Variants in NOSTRIN observed in about 807,000 individuals in gnomAD.
NOSTRIN encodes the protein BM247 homolog.
Under a neutral mutation model 59.0 loss-of-function variants are expected in NOSTRIN, and 63 were observed. The observed-to-expected ratio is 1.07, with a 90% CI of 0.87 to 1.32. The LOEUF (loss-of-function observed/expected upper bound fraction) is 1.32, where lower values mean the gene tolerates loss of function less well. NOSTRIN is among the 40% of genes most tolerant of loss of function. The probability of loss-of-function intolerance (pLI) is 0.00; values close to 1 mark genes in which losing one functional copy is unlikely to be tolerated. For missense variants in NOSTRIN, 512 were observed against 473.1 expected (o/e 1.08, Z -0.76); for synonymous variants, 200 against 165.4 (o/e 1.21, Z -1.61).
At chr2:168,795,640 G>C (rs1332660737), upstream of NOSTRIN, among the ~76,000 whole-genome samples, 2 of 152,158 alleles carry the variant, frequency 1.3e-5, no homozygotes, top group African/African-American at 2.4e-5. Context: ...CTATTACACT[G>C]ACTATAAGAC....
upstream of NOSTRIN, among the ~76,000 whole-genome samples, chr2:168,797,085 T>TTTTTTTTTTTTTTG (rs1244423894): frequency 2.1e-3 from 198 of 94,100 alleles, 5 homozygotes; most frequent in African/African-American, 9.4e-3. Context: ...TTTTCTTTTT[T>TTTTTTTTTTTTTTG]TTTTTTTTTT....
At chr2:168,860,575 G>T (rs1356841290) in intron 13 of NOSTRIN, among the ~76,000 whole-genome samples, 1 of 152,048 alleles carries the variant, frequency 6.6e-6, no homozygotes, top group Admixed American at 6.6e-5. Context: ...GGAGGCTGAG[G>T]CAGGAGAATC....
intron 1 of NOSTRIN, among the ~76,000 whole-genome samples, chr2:168,803,709 T>A (rs1487931007): frequency 6.6e-6 from 1 of 152,234 alleles, no homozygotes; most frequent in Non-Finnish European, 1.5e-5. Flanking sequence ...TTCCTTTTTT[T>A]AAATACAGAA....
chr2:168,849,087 G>T (rs1184188433), intron 8 of NOSTRIN, among the ~76,000 whole-genome samples: 1 of 152,132 alleles, frequency 6.6e-6, no homozygotes, highest in Non-Finnish European at 1.5e-5. Context: ...ATTTCAAGAG[G>T]TGAGCAAGGA....
intron 15 of NOSTRIN, 77 bp from the exon 16 acceptor site, chr2:168,864,757 C>T (rs1349555183): frequency 6.5e-7 from 1 of 1,543,434 alleles, no homozygotes; most frequent in East Asian, 2.3e-5. Context: ...AGCAGAACCT[C>T]CTTAAAACTC....
At chr2:168,802,510 C>A, upstream of NOSTRIN, 2 of 700,616 alleles carry the variant, frequency 2.9e-6, no homozygotes. Flanking sequence ...CTGGGACTTC[C>A]TCCTTGGAAT....
intron 2 of NOSTRIN, among the ~76,000 whole-genome samples, chr2:168,814,716 G>A (rs1271694113): frequency 1.3e-5 from 2 of 152,162 alleles, no homozygotes; most frequent in African/African-American, 4.8e-5. Flanking sequence ...ATGGGGTTTT[G>A]AATGAGGGGT....
intron 8 of NOSTRIN, among the ~76,000 whole-genome samples, chr2:168,849,571 G>GGCTTGAACTCCTGA: frequency 6.7e-6 from 1 of 148,944 alleles, no homozygotes; most frequent in Non-Finnish European, 1.5e-5. Context: ...GGGCAGGCTG[G>GGCTTGAACTCCTGA]CCTTGAACTC....
chr2:168,857,343 CAG>C (rs1048542311), intron 12 of NOSTRIN, among the ~76,000 whole-genome samples: 29 of 152,190 alleles, frequency 1.9e-4, no homozygotes, highest in African/African-American at 6.5e-4. Flanking sequence ...CGGAGAATAA[CAG>C]GGGAAAGGAA....
rs749301829 is a variant in NOSTRIN, at chr2:168,860,867, G to T, written c.1252G>T (p.Ala418Ser). Residue 418 changes from alanine to serine, a missense_variant, in exon 14 of 16, where the codon GCA becomes TCA. Transcript: ENST00000317647. ...MKRLENIVSK[A>S]SSGGQSNPGS... is the part of the protein sequence containing the mutation. ...GAGATTAGAGAATATTGTGAGCAAG[G>T]CATCTTCTGGTGGGCAGAGCAATCC... 2.5e-6 allele frequency: 4 copies of T among 1,613,848 alleles called. No individual in the cohort carries two copies. The highest frequency in any genetic ancestry group is 2.2e-5 in the South Asian group (2 of 91,076).
At chr2:168,864,783 A>G (rs759411961) in intron 15 of NOSTRIN, 51 bp from the exon 16 acceptor site, 1 of 1,602,724 alleles carries the variant, frequency 6.2e-7, no homozygotes, top group Non-Finnish European at 8.5e-7. Flanking sequence ...AATCGGGCTG[A>G]GGCATGTGTT....
chr2:168,824,869 C>A, intron 3 of NOSTRIN, 152 bp downstream of exon 3: 1 of 598,812 alleles, frequency 1.7e-6, no homozygotes, highest in Non-Finnish European at 3.1e-6. Context: ...CTCAATCCCC[C>A]AGGCTCAGGT....
intron 2 of NOSTRIN, among the ~76,000 whole-genome samples, chr2:168,812,861 A>G (rs973375346): frequency 1.3e-5 from 2 of 152,194 alleles, no homozygotes; most frequent in African/African-American, 2.4e-5. Context: ...CATTTTTGAG[A>G]GGAATGTTTT....
At chr2:168,791,154 C>T (rs1039516057) in intron 2 of NOSTRIN, among the ~76,000 whole-genome samples, 1 of 152,140 alleles carries the variant, frequency 6.6e-6, no homozygotes, top group African/African-American at 2.4e-5. Context: ...TTCCCCACCC[C>T]ACAACAGTCC....
At chr2:168,814,648 A>C (rs1686307922) in intron 2 of NOSTRIN, among the ~76,000 whole-genome samples, 1 of 152,258 alleles carries the variant, frequency 6.6e-6, no homozygotes, top group Admixed American at 6.5e-5. Flanking sequence ...GGGTTATGAC[A>C]GACAATGATG....
chr2:168,863,732 TAAGAA>T lies in NOSTRIN; in HGVS notation c.1385-1097_1385-1093del, dbSNP rs1335245888. The T allele has an allele frequency of 5.4e-5, 46 of 847,304 alleles. No homozygotes were observed. The Admixed American group carries it at 9.9e-4, about 18-fold the overall frequency. The allele number at this position is 847,304 out of a possible 1,614,324, so 52.5% of individuals were successfully genotyped here. On this transcript the variant is annotated intron_variant, in intron 15 of 15. Transcript: ENST00000317647. Reference sequence around the variant, plus strand: ...TAATGCAGAGACATTGTCTTGATCTTAAGAAAAGACTGTTGGTGAGACATACTTAT... The same window carrying T: ...TAATGCAGAGACATTGTCTTGATCTTAAGACTGTTGGTGAGACATACTTAT...
chr2:168,845,433 C>T (rs1688354687), intron 8 of NOSTRIN, among the ~76,000 whole-genome samples: 1 of 152,202 alleles, frequency 6.6e-6, no homozygotes, highest in African/African-American at 2.4e-5. Flanking sequence ...CACCCTTCTA[C>T]CTACATCGCA....
At chr2:168,801,926 G>A (rs1406782437), upstream of NOSTRIN, among the ~76,000 whole-genome samples, 2 of 152,190 alleles carry the variant, frequency 1.3e-5, no homozygotes, top group Non-Finnish European at 2.9e-5. Context: ...CGAGTGTGGA[G>A]TTAGGCTCAG....
At chr2:168,802,258 T>G, upstream of NOSTRIN, 1 of 197,152 alleles carries the variant, frequency 5.1e-6, no homozygotes, top group Non-Finnish European at 1.1e-5. Flanking sequence ...ATACAGAAAA[T>G]AAAAAGCATG....
Sources: allele counts gnomAD v4.1 joint callset (sites outside exome capture counted in the v4.1 genomes callset), GRCh38; gene constraint gnomAD v4.1.1; transcripts MANE v1.5; gene names NCBI Gene and HGNC (gene_info 2026-07-23, HGNC 2026-07-21).